Variants in PIGN observed in about 807,000 individuals in gnomAD.
PIGN encodes GPI ethanolamine phosphate transferase 1.
Under a neutral mutation model 125.4 loss-of-function variants are expected in PIGN, and 117 were observed. The observed-to-expected ratio is 0.93, with a 90% CI of 0.80 to 1.09. The LOEUF is 1.09. Among genes scored for constraint, PIGN ranks in the 50% least tolerant of loss-of-function variants. The pLI is 0.00. For synonymous variants in PIGN, 392 were observed against 377.8 expected (o/e 1.04, Z -0.44); for missense variants, 1,075 against 1,094.9 (o/e 0.98, Z 0.26).
intron 15 of PIGN, among the ~76,000 whole-genome samples, chr18:62,113,550 T>C (rs1044121408): frequency 1.3e-5 from 2 of 152,188 alleles, no homozygotes; most frequent in African/African-American, 4.8e-5. Flanking sequence ...GCATTTTAAA[T>C]GTAAACTATT....
chr18:62,099,964 G>A (rs2034369745), intron 22 of PIGN, among the ~76,000 whole-genome samples: 1 of 151,986 alleles, frequency 6.6e-6, no homozygotes, highest in Admixed American at 6.6e-5. Context: ...AGTAGACAAA[G>A]GGGATTATAT....
chr18:62,183,091 A>G lies in PIGN; in HGVS notation c.-236+3753T>C, dbSNP rs367874124. Among the ~76,000 whole-genome samples, 23 of 152,346 alleles carry G rather than the reference A, an allele frequency of 1.5e-4. No individual in the cohort carries two copies. The East Asian group carries it at 4.0e-3, about 27-fold the overall frequency. On this transcript the variant is annotated intron_variant, in intron 1 of 30. Transcript: ENST00000640252. ...TTCTTGAAAACTGCTAAAAGGGTAG[A>G]TGTTCAAATTTCTCATCACAAAAAT...
chr18:62,161,454 A>C, intron 3 of PIGN, 69 bp from the exon 4 acceptor site: 1 of 680,440 alleles, frequency 1.5e-6, no homozygotes, highest in East Asian at 2.7e-5. Context: ...ACATATTTTG[A>C]TGATCACAAG....
In PIGN at chr18:62,062,522, T is replaced by C. The variant is rs574025917; in HGVS notation, c.2672+10151A>G. On this transcript the variant is annotated intron_variant, in intron 30 of 30. Transcript: ENST00000640252. ...TGCCTTTGTCTTCTTCTTATCCACT[T>C]TGGATTTTTAATGTTGTATAGATGG... Among the ~76,000 whole-genome samples the C allele has an allele frequency of 2.0e-5, 3 of 152,292 alleles. No individual in the cohort carries two copies. The East Asian group carries it at 5.8e-4, about 29-fold the overall frequency.
chr18:62,044,512 A>G lies in PIGN; in HGVS notation c.*1344T>C, dbSNP rs1404668976. 1.3e-5 allele frequency: 2 copies of G among 152,226 alleles called. No homozygotes were observed. The highest frequency in any genetic ancestry group is 4.8e-5 in the African/African-American group (2 of 41,476). 9.4% of individuals were successfully genotyped at this position (152,226 alleles called of 1,614,324 possible). ...CATAAAACATTAATACCTCTTTTTT[A>G]TACTACAGTTCTTTCACTGGTATAC... On this transcript the variant is annotated 3_prime_UTR_variant, in exon 31 of 31. Coordinates refer to ENST00000640252, the MANE Select transcript of PIGN (RefSeq NM_176787.5).
chr18:62,090,640 AT>A, intron 23 of PIGN, 62 bp from the exon 24 acceptor site: 1 of 853,038 alleles, frequency 1.2e-6, no homozygotes, highest in Non-Finnish European at 1.9e-6. Context: ...AAAAATGCAA[AT>A]TTACACTGAG....
intron 14 of PIGN, chr18:62,137,769 A>G (rs2035988167): frequency 6.5e-6 from 1 of 153,710 alleles, no homozygotes; most frequent in African/African-American, 2.4e-5. Flanking sequence ...AAATCTTCAC[A>G]AGCAACATAC....
At chr18:62,126,493 C>CT (rs1297573351) in intron 14 of PIGN, among the ~76,000 whole-genome samples, 4 of 152,052 alleles carry the variant, frequency 2.6e-5, no homozygotes, top group African/African-American at 9.7e-5. Context: ...TAATGAAATG[C>CT]TTATATGTGC....
chr18:62,073,171 GT>G (rs1303318598), intron 29 of PIGN, among the ~76,000 whole-genome samples: 18 of 2,988 alleles, frequency 6.0e-3, no homozygotes, highest in Non-Finnish European at 8.9e-3. Context: ...ATTATCAGGG[GT>G]GTGTGTGTGT....
At chr18:62,077,238 T>G (rs2033219514) in intron 28 of PIGN, among the ~76,000 whole-genome samples, 1 of 151,784 alleles carries the variant, frequency 6.6e-6, no homozygotes, top group Non-Finnish European at 1.5e-5. Flanking sequence ...ATTAGGCAGG[T>G]GTGGTGGCAC....
At position 62,041,384 on chromosome 18, in the gene PIGN, G is replaced by T. The variant is rs2030364733; in HGVS notation, c.*4472C>A. 1 of 152,014 alleles carries T rather than the reference G, an allele frequency of 6.6e-6. No individual in the cohort carries two copies. The highest frequency in any genetic ancestry group is 2.4e-5 in the African/African-American group (1 of 41,382). The allele number at this position is 152,014 out of a possible 1,614,324, so 9.4% of individuals were successfully genotyped here. ...ATTGTAAAGTTTTCTCACATTAAGG[G>T]TTAAAGTAAAAATGGTATTCCAGTT... On this transcript the variant is annotated 3_prime_UTR_variant, in exon 31 of 31. Transcript: ENST00000640252.
chr18:62,147,035 G>A lies in PIGN; in HGVS notation c.741C>T (p.His247=), dbSNP rs9320000. 0.62 allele frequency: 989,878 copies of A among 1,605,232 alleles called. 308,336 individuals are homozygous for A. Among genetic ancestry groups the A allele is most frequent in the Admixed American group, 0.7 (41,857 of 59,766 alleles). The change falls in exon 9 of 31, where the codon CAC becomes CAT. Residue 247 remains histidine (H), a synonymous_variant. Transcript: ENST00000640252. ...TTGTTTTCCCATCATTTCCATAGAAGTGGTTAAACATAGACACGATTTCTT... is the reference window on the plus strand; with the variant it reads ...TTGTTTTCCCATCATTTCCATAGAAATGGTTAAACATAGACACGATTTCTT... ...GVKEIVSMFN[H]FYGNDGKTTF... is the part of the protein sequence containing the mutation.
At chr18:62,086,693 T>A (rs774317343) in intron 25 of PIGN, among the ~76,000 whole-genome samples, 5 of 152,044 alleles carry the variant, frequency 3.3e-5, no homozygotes, top group Non-Finnish European at 7.4e-5. Context: ...TAGGCTAGTG[T>A]TATAATCAAG....
At chr18:62,133,450 A>G (rs1267294274) in intron 14 of PIGN, among the ~76,000 whole-genome samples, 1 of 152,194 alleles carries the variant, frequency 6.6e-6, no homozygotes, top group Non-Finnish European at 1.5e-5. Flanking sequence ...CTTCTTTCTC[A>G]AAACTAATTA....
At chr18:62,046,561 C>T (rs953539632) in intron 30 of PIGN, among the ~76,000 whole-genome samples, 2 of 150,250 alleles carry the variant, frequency 1.3e-5, no homozygotes, top group African/African-American at 4.9e-5. Flanking sequence ...CGAAACCATC[C>T]CTCACCCCCA....
At chr18:62,178,355 T>C (rs530576712) in intron 1 of PIGN, among the ~76,000 whole-genome samples, 3 of 151,958 alleles carry the variant, frequency 2.0e-5, no homozygotes, top group Admixed American at 6.6e-5. Context: ...CTTATGCTTG[T>C]TTCAGTGGAG....
At chr18:62,110,014 T>C (rs373768710) in intron 16 of PIGN, 41 bp from the exon 17 acceptor site, 72 of 1,596,350 alleles carry the variant, frequency 4.5e-5, no homozygotes, top group Non-Finnish European at 5.7e-5. Context: ...TCCAAACCAA[T>C]GGTAATTGAT....
intron 1 of PIGN, among the ~76,000 whole-genome samples, chr18:62,177,169 TGTCCCATAG>T (rs1428315238): frequency 6.6e-6 from 1 of 152,190 alleles, no homozygotes; most frequent in Non-Finnish European, 1.5e-5. Flanking sequence ...TTAAAGATGG[TGTCCCATAG>T]GTCCCTATGG....
At chr18:62,147,688 TA>T (rs1308551047) in intron 8 of PIGN, among the ~76,000 whole-genome samples, 8 of 152,140 alleles carry the variant, frequency 5.3e-5, no homozygotes. Flanking sequence ...AAGTCAGAAA[TA>T]AGAGTATAAC....
Sources: gnomAD v4.1 joint callset for allele counts (sites outside exome capture counted in the v4.1 genomes callset) on GRCh38, gnomAD v4.1.1 for gene constraint, MANE v1.5 for transcripts, NCBI Gene and HGNC (gene_info 2026-07-23, HGNC 2026-07-21) for gene names.